Variants in CPD observed in about 807,000 individuals in gnomAD.
CPD encodes carboxypeptidase D, also known as metallocarboxypeptidase D.
In CPD, 69 loss-of-function variants were observed where a neutral mutation model predicts 138.3. That is an observed-to-expected ratio of 0.50 (90% confidence interval 0.41 to 0.61). The LOEUF is 0.61. CPD is among the 20% of genes least tolerant of loss of function. The pLI, the probability that CPD is intolerant of heterozygous loss-of-function variation, is 0.00. For synonymous variants in CPD, 651 were observed against 642.1 expected (o/e 1.01, Z -0.21); for missense variants, 1,432 against 1,733.3 (o/e 0.83, Z 3.09).
At chr17:30,392,008 C>CT (rs869193468) in intron 2 of CPD, among the ~76,000 whole-genome samples, 1,977 of 134,258 alleles carry the variant, frequency 0.015, 36 homozygotes, top group Admixed American at 0.048. Flanking sequence ...TTTGGATAAT[C>CT]TTTTTTTTTT....
chr17:30,462,445 A>G lies in CPD; in HGVS notation c.3892A>G (p.Arg1298Gly), dbSNP rs1913514836. 3.7e-6 allele frequency: 6 copies of G among 1,613,788 alleles called. 1 individual carries two copies. The East Asian group carries it at 6.7e-5, about 18-fold the overall frequency. Residue 1298 changes from arginine to glycine, a missense_variant, in exon 20 of 21, where the codon AGG becomes GGG. Around this residue, in one of 6 missense-constraint regions of CPD, gnomAD observed 366 missense variants for 518.8 expected, o/e 0.71. Transcript: ENST00000225719. Reference protein sequence around the residue: ...DTDNRIFGLPRELVVTVSGAT... With the variant: ...DTDNRIFGLPGELVVTVSGAT... Reference sequence around the variant, plus strand: ...AGATAACCGGATATTTGGTTTGCCAAGGGAGCTTGTGGTAACTGTATCAGG... The same window carrying G: ...AGATAACCGGATATTTGGTTTGCCAGGGGAGCTTGTGGTAACTGTATCAGG...
chr17:30,468,108 A>C lies in CPD; in HGVS notation c.*3294A>C, dbSNP rs954989038. 1.3e-5 allele frequency: 2 copies of C among 152,380 alleles called. No homozygotes were observed. Among genetic ancestry groups the C allele is most frequent in the Non-Finnish European group, 2.9e-5 (2 of 67,978 alleles). 9.4% of individuals were successfully genotyped at this position (152,380 alleles called of 1,614,324 possible). Reference sequence around the variant, plus strand: ...ACTTGGATTTCTAGTTCATGAAGAAATCTCTCCCAATACCCATTTATCCTA... The same window carrying C: ...ACTTGGATTTCTAGTTCATGAAGAACTCTCTCCCAATACCCATTTATCCTA... On this transcript the variant is annotated 3_prime_UTR_variant, in exon 21 of 21. Transcript: ENST00000225719.
chr17:30,424,500 C>T (rs1241964763), intron 6 of CPD, among the ~76,000 whole-genome samples: 1 of 152,140 alleles, frequency 6.6e-6, no homozygotes, highest in Non-Finnish European at 1.5e-5. Context: ...TGAGATAGGC[C>T]CTGCCTATTG....
chr17:30,459,156 T>A (rs1913385801), intron 17 of CPD, among the ~76,000 whole-genome samples: 1 of 144,298 alleles, frequency 6.9e-6, no homozygotes, highest in African/African-American at 2.5e-5. Context: ...CTTTTTTTTT[T>A]TTTTTTTTGG....
At chr17:30,426,720 C>T (rs1912419886) in intron 6 of CPD, among the ~76,000 whole-genome samples, 2 of 152,212 alleles carry the variant, frequency 1.3e-5, no homozygotes, top group African/African-American at 4.8e-5. Context: ...TCAGGCCCCT[C>T]TTATAATCCC....
At chr17:30,393,345 A>AGTTCAACCAGAACATATATAT (rs1911408465) in intron 2 of CPD, among the ~76,000 whole-genome samples, 1 of 152,246 alleles carries the variant, frequency 6.6e-6, no homozygotes, top group East Asian at 1.9e-4. Flanking sequence ...ATGCTGTTGA[A>AGTTCAACCAGAACATATATAT]AGTTTAGATT....
Position 30,402,427 on chromosome 17 carries a change from A to C in CPD, c.994+17191A>C, listed in dbSNP as rs1192454461. Among the ~76,000 whole-genome samples, 12 of 152,178 alleles carry C rather than the reference A, an allele frequency of 7.9e-5. 1 individual carries two copies. The highest frequency in any genetic ancestry group is 1.5e-4 in the Non-Finnish European group (10 of 67,982). ...CTAAAAATACAAAAATTAGCTGGACATGGTGGCACATGCCTGTAATCCCAG... is the reference window on the plus strand; with the variant it reads ...CTAAAAATACAAAAATTAGCTGGACCTGGTGGCACATGCCTGTAATCCCAG... On this transcript the variant is annotated intron_variant, in intron 2 of 20. Coordinates refer to ENST00000225719, the MANE Select transcript of CPD (RefSeq NM_001304.5).
chr17:30,444,014 A>G (rs756200800), intron 11 of CPD, 43 bp downstream of exon 11: 1 of 1,594,544 alleles, frequency 6.3e-7, no homozygotes, highest in Non-Finnish European at 8.6e-7. Flanking sequence ...CGGAGGACAA[A>G]CATGGCTCCA....
At chr17:30,409,941 G>A (rs556206209) in intron 2 of CPD, among the ~76,000 whole-genome samples, 2 of 152,090 alleles carry the variant, frequency 1.3e-5, no homozygotes, top group African/African-American at 4.8e-5. Flanking sequence ...TCTTTTAATT[G>A]TGATGTTAGG....
chr17:30,453,340 A>G (rs1209000409), intron 14 of CPD, among the ~76,000 whole-genome samples: 2 of 152,148 alleles, frequency 1.3e-5, no homozygotes, highest in African/African-American at 4.8e-5. Flanking sequence ...ATTGGCCAAA[A>G]TGGAGGGGCT....
chr17:30,442,118 C>T (rs528237669), intron 9 of CPD, among the ~76,000 whole-genome samples, 190 bp from the exon 10 acceptor site: 30 of 152,272 alleles, frequency 2.0e-4, no homozygotes, highest in East Asian at 9.7e-4. Context: ...AGAGATTCAA[C>T]TTCTTCCACA....
chr17:30,392,594 T>A (rs1449764165), intron 2 of CPD, among the ~76,000 whole-genome samples: 1 of 152,218 alleles, frequency 6.6e-6, no homozygotes, highest in Non-Finnish European at 1.5e-5. Context: ...TTAAAAAATA[T>A]GTCTGAACCC....
In CPD at chr17:30,425,305, C is replaced by T. The variant is rs115651033; in HGVS notation, c.1849+1608C>T. Among the ~76,000 whole-genome samples, 692 of 152,248 alleles carry T rather than the reference C, an allele frequency of 4.5e-3. 8 individuals carry two copies. The highest frequency in any genetic ancestry group is 0.016 in the African/African-American group (661 of 41,550). ...TGTGAGCATATCACAATTTTCTTTT[C>T]ATTTGCTCTATTTCTTACAATGTCT... is the stretch of plus-strand genomic sequence containing the variant. On this transcript the variant is annotated intron_variant, in intron 6 of 20. Coordinates refer to ENST00000225719, the MANE Select transcript of CPD (RefSeq NM_001304.5).
intron 2 of CPD, among the ~76,000 whole-genome samples, chr17:30,385,625 C>T (rs1436395632): frequency 2.6e-5 from 4 of 151,998 alleles, no homozygotes; most frequent in Non-Finnish European, 5.9e-5. Context: ...TTCCCAAGTA[C>T]AGGGACATTT....
At chr17:30,383,747 A>G (rs1911112258) in intron 1 of CPD, among the ~76,000 whole-genome samples, 1 of 152,166 alleles carries the variant, frequency 6.6e-6, no homozygotes, top group Non-Finnish European at 1.5e-5. Flanking sequence ...TTTTTCAAGC[A>G]TATAGAAAAA....
intron 14 of CPD, 66 bp from the exon 15 acceptor site, chr17:30,455,272 AT>A: frequency 7.7e-7 from 1 of 1,299,664 alleles, no homozygotes; most frequent in South Asian, 1.4e-5. Context: ...AGTAGAGAAT[AT>A]TTTCTTAGAT....
intron 14 of CPD, among the ~76,000 whole-genome samples, chr17:30,452,353 G>A (rs1025710913): frequency 1.5e-4 from 22 of 149,574 alleles, no homozygotes; most frequent in African/African-American, 1.7e-4. Context: ...ATCTTGGCTC[G>A]CCTCCGCCTC....
chr17:30,428,965 T>C (rs996840559), intron 7 of CPD, among the ~76,000 whole-genome samples: 8 of 152,106 alleles, frequency 5.3e-5, no homozygotes, highest in South Asian at 4.1e-4. Context: ...TATCCAGAAG[T>C]ACCATAGTGG....
intron 7 of CPD, among the ~76,000 whole-genome samples, chr17:30,429,040 G>C (rs1278834280): frequency 6.6e-6 from 1 of 152,132 alleles, no homozygotes; most frequent in Non-Finnish European, 1.5e-5. Context: ...TGGATATTTA[G>C]ATTTAGGAGG....
Sources: allele counts gnomAD v4.1 joint callset (sites outside exome capture counted in the v4.1 genomes callset), GRCh38; gene constraint gnomAD v4.1.1; regional missense constraint gnomAD v4.1.1; transcripts MANE v1.5; gene names NCBI Gene and HGNC (gene_info 2026-07-23, HGNC 2026-07-21).